The following ATP2B2 variants were observed in gnomAD, a reference collection of about 807,000 sequenced individuals.
The protein encoded by ATP2B2 is plasma membrane calcium-transporting ATPase 2.
ATP2B2 carries 15 observed loss-of-function variants against 120.0 expected under a neutral mutation model. That is an observed-to-expected ratio of 0.12 (90% CI 0.08 to 0.19). ATP2B2 has a LOEUF of 0.19. ATP2B2 is among the 10% of genes least tolerant of loss of function. ATP2B2 has a pLI of 1.00. For missense variants in ATP2B2, 1,045 were observed against 1,719.8 expected, an observed-to-expected ratio of 0.61 and a Z score of 6.94; for synonymous variants, 694 against 700.3, an observed-to-expected ratio of 0.99 and a Z score of 0.14.
At chr3:10,416,553 C>T (rs1411871171) in intron 2 of ATP2B2, among the ~76,000 whole-genome samples, 2 of 152,194 alleles carry the variant, frequency 1.3e-5, no homozygotes, top group Non-Finnish European at 2.9e-5. Context: ...TGTGCCCAGA[C>T]CTATTAGAGT....
Position 10,329,981 on chromosome 3 carries a change from G to A in ATP2B2, c.3421-856C>T, listed in dbSNP as rs919943881. 2.6e-5 allele frequency among the ~76,000 whole-genome samples: 4 copies of A among 152,142 alleles called. No homozygotes were observed. The highest frequency in any genetic ancestry group is 1.9e-4 in the East Asian group (1 of 5,190). On this transcript the variant is annotated intron_variant, in intron 22 of 22. Coordinates refer to ENST00000360273, the MANE Select transcript of ATP2B2 (RefSeq NM_001001331.4). This position sits in a 1 kb window ranked among gnomAD's most constrained non-coding sequence, Gnocchi z 5.9. Reference sequence around the variant, plus strand: ...CGAGTATAGACTCAAAGCCCTGGCCGGCCAGTTATTGGAGCTTGCTTTGGG... The same window carrying A: ...CGAGTATAGACTCAAAGCCCTGGCCAGCCAGTTATTGGAGCTTGCTTTGGG...
chr3:10,396,155 G>A (rs909962895), intron 5 of ATP2B2, among the ~76,000 whole-genome samples: 2 of 152,246 alleles, frequency 1.3e-5, no homozygotes, highest in African/African-American at 4.8e-5. Context: ...TTGGAGGGCT[G>A]GAACCTGGGC....
chr3:10,550,748 C>T lies in ATP2B2; in HGVS notation c.-414-16615G>A, dbSNP rs187576621. ...ATTATAGCAAGGATCAATGTCACCC[C>T]GGTCTATGGAACGAGTTGCAGAAGA... is the stretch of plus-strand genomic sequence containing the variant. On this transcript the variant is annotated intron_variant, in intron 2 of 21. Transcript: ENST00000646379. Among the ~76,000 whole-genome samples the T allele has an allele frequency of 1.3e-4, 20 of 152,290 alleles. No individual in the cohort carries two copies. The East Asian group carries it at 3.1e-3, about 24-fold the overall frequency.
chr3:10,420,182 A>C (rs2062926034), intron 2 of ATP2B2, among the ~76,000 whole-genome samples: 6 of 152,190 alleles, frequency 3.9e-5, no homozygotes. Flanking sequence ...ATATCCTGTC[A>C]GAGGTCAGAC....
intron 3 of ATP2B2, among the ~76,000 whole-genome samples, chr3:10,530,998 C>T (rs2067198465): frequency 6.6e-6 from 1 of 152,216 alleles, no homozygotes; most frequent in Non-Finnish European, 1.5e-5. Flanking sequence ...CACAACTTCC[C>T]TCAGTTGGTT....
intron 2 of ATP2B2, among the ~76,000 whole-genome samples, chr3:10,544,763 A>C (rs76508605): frequency 0.018 from 2,698 of 152,344 alleles, 45 homozygotes; most frequent in Admixed American, 0.038. Context: ...AGCTCAGCCA[A>C]GCCCACAGAT....
At chr3:10,676,348 T>A (rs2071243429) in intron 1 of ATP2B2, among the ~76,000 whole-genome samples, 1 of 152,166 alleles carries the variant, frequency 6.6e-6, no homozygotes, top group Admixed American at 6.5e-5. Context: ...TGAGGAACTC[T>A]GTGGCCACCC....
intron 2 of ATP2B2, among the ~76,000 whole-genome samples, chr3:10,602,643 A>G (rs1160387570): frequency 1.3e-5 from 2 of 152,220 alleles, no homozygotes; most frequent in Admixed American, 6.5e-5. Flanking sequence ...TAAACCACTT[A>G]ATTGCATTAA....
At chr3:10,529,483 A>G (rs1436047801) in intron 3 of ATP2B2, among the ~76,000 whole-genome samples, 2 of 152,208 alleles carry the variant, frequency 1.3e-5, no homozygotes, top group Admixed American at 6.5e-5. Flanking sequence ...CTCAGATTGG[A>G]GTTTAAGATG....
At chr3:10,341,075 G>A (rs2060262153) in intron 19 of ATP2B2, among the ~76,000 whole-genome samples, 2 of 152,248 alleles carry the variant, frequency 1.3e-5, no homozygotes, top group Middle Eastern at 3.4e-3. Flanking sequence ...GAGGTTTTGC[G>A]CTGCCCCGAG....
chr3:10,632,683 G>A (rs968266444), intron 1 of ATP2B2, among the ~76,000 whole-genome samples: 2 of 152,308 alleles, frequency 1.3e-5, no homozygotes, highest in Admixed American at 6.5e-5. Context: ...CCCTACCCTG[G>A]GTCTTTCTCT....
intron 2 of ATP2B2, among the ~76,000 whole-genome samples, chr3:10,560,971 C>T (rs548297606): frequency 1.3e-5 from 2 of 152,160 alleles, no homozygotes; most frequent in African/African-American, 2.4e-5. Context: ...CTGGAACACT[C>T]GTGCCCTGCT....
chr3:10,466,589 A>G (rs556888910), intron 1 of ATP2B2, among the ~76,000 whole-genome samples: 9 of 152,294 alleles, frequency 5.9e-5, no homozygotes, highest in Admixed American at 2.0e-4. Flanking sequence ...GAAGAGAATA[A>G]AAGGCTAACC....
intron 2 of ATP2B2, among the ~76,000 whole-genome samples, chr3:10,573,729 T>A (rs1178172371): frequency 6.6e-6 from 1 of 152,226 alleles, no homozygotes; most frequent in Admixed American, 6.5e-5. Flanking sequence ...TCTTACTCTC[T>A]GGGTTCCTAT....
intron 1 of ATP2B2, among the ~76,000 whole-genome samples, chr3:10,488,256 T>A (rs920288705): frequency 7.1e-6 from 1 of 140,768 alleles, no homozygotes; most frequent in South Asian, 2.4e-4. Flanking sequence ...CATCCATCCA[T>A]CCATCCATCC....
intron 12 of ATP2B2, 37 bp downstream of exon 12, chr3:10,371,772 T>C: frequency 6.2e-7 from 1 of 1,614,056 alleles, no homozygotes; most frequent in Non-Finnish European, 8.5e-7. Context: ...CCCATGGATG[T>C]TGCTCCAGGT....
chr3:10,499,419 G>A (rs993763665), intron 1 of ATP2B2, among the ~76,000 whole-genome samples: 2 of 152,148 alleles, frequency 1.3e-5, no homozygotes, highest in Admixed American at 1.3e-4. Flanking sequence ...ACACACAACC[G>A]AACGCACATG....
chr3:10,516,229 C>G (rs183361248), intron 3 of ATP2B2, among the ~76,000 whole-genome samples: 1 of 152,232 alleles, frequency 6.6e-6, no homozygotes, highest in Non-Finnish European at 1.5e-5. Context: ...TTGACCTGTT[C>G]CTCCCTGCTG....
chr3:10,399,604 T>C (rs1012899821), intron 5 of ATP2B2, among the ~76,000 whole-genome samples: 6 of 152,242 alleles, frequency 3.9e-5, no homozygotes, highest in Admixed American at 6.5e-5. Flanking sequence ...TTTGTTTCCT[T>C]AACCAGTGGC....
Sources: allele counts gnomAD v4.1 joint callset (sites outside exome capture counted in the v4.1 genomes callset), GRCh38; gene constraint gnomAD v4.1.1; non-coding constraint Gnocchi (gnomAD v3.1); transcripts MANE v1.5; gene names NCBI Gene and HGNC (gene_info 2026-07-23, HGNC 2026-07-21).